The following TMEM163 variants were observed in gnomAD, a reference collection of about 807,000 sequenced individuals.
The protein encoded by TMEM163 is transmembrane protein 163.
A neutral mutation model predicts 29.3 loss-of-function variants in TMEM163; 17 were observed. The observed-to-expected ratio is 0.58, with a 90% CI of 0.40 to 0.87. The LOEUF is 0.87. TMEM163 is among the 40% of genes least tolerant of loss of function. The pLI is 0.00. For synonymous variants in TMEM163, 157 were observed against 160.6 expected (o/e 0.98, Z 0.17); for missense variants, 303 against 381.5 (o/e 0.79, Z 1.71).
intron 2 of TMEM163, among the ~76,000 whole-genome samples, chr2:134,665,265 G>A (rs78053473): frequency 0.084 from 12,748 of 152,144 alleles, 608 homozygotes; most frequent in South Asian, 0.17. Flanking sequence ...CACAAGGCTG[G>A]GGAGGCCTGA....
intron 2 of TMEM163, among the ~76,000 whole-genome samples, chr2:134,639,548 T>G (rs540842916): frequency 2.0e-5 from 3 of 152,324 alleles, no homozygotes; most frequent in Middle Eastern, 3.4e-3. Context: ...TGAGAGAAGC[T>G]TCTAACAAAG....
In TMEM163 at chr2:134,622,079, G is replaced by A. The variant is rs146432120; in HGVS notation, c.323-69988C>T. Among the ~76,000 whole-genome samples the A allele has an allele frequency of 1.2e-3, 187 of 152,176 alleles. 1 individual carries two copies. Among genetic ancestry groups the A allele is most frequent in the African/African-American group, 4.3e-3 (178 of 41,526 alleles). ...CAAAACACAAAAGACTGTGTATTGCGTGGTTCGATTTATATGAAATTTCCA... is the reference window on the plus strand; with the variant it reads ...CAAAACACAAAAGACTGTGTATTGCATGGTTCGATTTATATGAAATTTCCA... On this transcript the variant is annotated intron_variant, in intron 2 of 7. Transcript: ENST00000281924.
At chr2:134,516,327 G>A (rs747263510) in intron 4 of TMEM163, among the ~76,000 whole-genome samples, 4 of 151,998 alleles carry the variant, frequency 2.6e-5, no homozygotes, top group South Asian at 2.1e-4. Flanking sequence ...TTGGGAGGCC[G>A]AGACGGGCAG....
At chr2:134,554,399 G>C (rs909834553) in intron 2 of TMEM163, among the ~76,000 whole-genome samples, 1 of 142,804 alleles carries the variant, frequency 7.0e-6, no homozygotes, top group Non-Finnish European at 1.5e-5. Context: ...GCCCCAGCTT[G>C]GTGACAGAGC....
At chr2:134,664,615 G>A (rs1386027265) in intron 2 of TMEM163, among the ~76,000 whole-genome samples, 1 of 152,138 alleles carries the variant, frequency 6.6e-6, no homozygotes, top group Non-Finnish European at 1.5e-5. Context: ...ATGAGAGAGA[G>A]GCAGAGGAAG....
chr2:134,656,418 C>G (rs1457703230), intron 2 of TMEM163, among the ~76,000 whole-genome samples: 1 of 151,648 alleles, frequency 6.6e-6, no homozygotes, highest in Non-Finnish European at 1.5e-5. Context: ...GCGCACGGTG[C>G]ACGCACCCAC....
intron 4 of TMEM163, among the ~76,000 whole-genome samples, chr2:134,528,280 A>G (rs896044141): frequency 2.0e-5 from 3 of 152,238 alleles, no homozygotes; most frequent in Non-Finnish European, 2.9e-5. Flanking sequence ...GGCTTACTTC[A>G]ATTATCAGAT....
chr2:134,627,741 T>C (rs1428691284), intron 2 of TMEM163, among the ~76,000 whole-genome samples: 3 of 152,218 alleles, frequency 2.0e-5, no homozygotes, highest in Non-Finnish European at 2.9e-5. Context: ...ACAGAAAAAG[T>C]TATTCCTATG....
intron 2 of TMEM163, among the ~76,000 whole-genome samples, chr2:134,684,494 G>A (rs1684312616): frequency 6.6e-6 from 1 of 152,180 alleles, no homozygotes; most frequent in South Asian, 2.1e-4. Flanking sequence ...GTTTTCTTCT[G>A]AGGGAACCCC....
At chr2:134,580,584 G>A (rs1194729706) in intron 2 of TMEM163, among the ~76,000 whole-genome samples, 1 of 152,092 alleles carries the variant, frequency 6.6e-6, no homozygotes, top group African/African-American at 2.4e-5. Flanking sequence ...AAATTAATCT[G>A]GAATTAGCCC....
At chr2:134,637,765 T>A (rs962166369) in intron 2 of TMEM163, among the ~76,000 whole-genome samples, 4 of 152,264 alleles carry the variant, frequency 2.6e-5, no homozygotes, top group Non-Finnish European at 5.9e-5. Context: ...TGTTTTCTCT[T>A]AAACTTTCTT....
At chr2:134,638,385 G>A (rs769271983) in intron 2 of TMEM163, among the ~76,000 whole-genome samples, 9 of 152,162 alleles carry the variant, frequency 5.9e-5, no homozygotes, top group African/African-American at 1.7e-4. Flanking sequence ...AGTGGAAGAC[G>A]TCAATCAAAG....
intron 4 of TMEM163, among the ~76,000 whole-genome samples, chr2:134,526,530 A>G (rs1410825785): frequency 6.6e-6 from 1 of 152,244 alleles, no homozygotes; most frequent in African/African-American, 2.4e-5. Flanking sequence ...GCCATTATGC[A>G]TATAGTTTAT....
intron 4 of TMEM163, among the ~76,000 whole-genome samples, chr2:134,527,318 C>T (rs534180046): frequency 6.6e-6 from 1 of 151,778 alleles, no homozygotes; most frequent in East Asian, 1.9e-4. Flanking sequence ...TATACACTTA[C>T]TATAGAGAGA....
intron 2 of TMEM163, among the ~76,000 whole-genome samples, chr2:134,591,094 C>T (rs1183598885): frequency 6.6e-6 from 1 of 152,218 alleles, no homozygotes; most frequent in African/African-American, 2.4e-5. Flanking sequence ...TACCAGAAAT[C>T]TGTGCCTTAT....
chr2:134,513,458 G>A (rs982631017), intron 4 of TMEM163, among the ~76,000 whole-genome samples: 23 of 152,202 alleles, frequency 1.5e-4, no homozygotes, highest in African/African-American at 5.5e-4. Context: ...TGGAGTGAAG[G>A]TTCCACGACG....
rs201436466 is a variant in TMEM163 at position 134,661,925 on chromosome 2, C to CTTT, written c.322+51272_322+51274dup. The stretch of plus-strand genomic sequence containing the variant: ...AAGTTTTCATGGATTCATTAATTTT[C>CTTT]TTTCTTTTTTTTTTTTTTTTTTTTG... On this transcript the variant is annotated intron_variant, in intron 2 of 7. Coordinates refer to ENST00000281924, the MANE Select transcript of TMEM163 (RefSeq NM_030923.5). 6.5e-3 allele frequency among the ~76,000 whole-genome samples: 511 copies of CTTT among 79,024 alleles called. 67 individuals are homozygous for CTTT. Among genetic ancestry groups the CTTT allele is most frequent in the African/African-American group, 0.016 (264 of 16,984 alleles). 51.8% of individuals were successfully genotyped at this position (79,024 alleles called of 152,430 possible). A position where few individuals can be genotyped will look rare whatever the true frequency, so the allele number is the denominator to read the frequency against.
chr2:134,661,418 G>T (rs1223178342), intron 2 of TMEM163, among the ~76,000 whole-genome samples: 2 of 152,180 alleles, frequency 1.3e-5, no homozygotes, highest in African/African-American at 4.8e-5. Context: ...ATTTGCAGGA[G>T]AACTTATATC....
intron 2 of TMEM163, among the ~76,000 whole-genome samples, chr2:134,562,322 C>T (rs1681200642): frequency 6.6e-6 from 1 of 152,240 alleles, no homozygotes; most frequent in South Asian, 2.1e-4. Context: ...AGTGCATTGT[C>T]AGTGCTCAAA....
Sources: allele counts gnomAD v4.1 joint callset (sites outside exome capture counted in the v4.1 genomes callset), GRCh38; gene constraint gnomAD v4.1.1; transcripts MANE v1.5; gene names NCBI Gene and HGNC (gene_info 2026-07-23, HGNC 2026-07-21).